Variants in DLGAP1 observed in about 807,000 individuals in gnomAD.
The protein encoded by DLGAP1 is disks large-associated protein 1.
In DLGAP1, 11 loss-of-function variants were observed where a neutral mutation model predicts 90.8. The observed-to-expected ratio is 0.12, with a 90% CI of 0.08 to 0.20. The LOEUF is 0.20. Among genes scored for constraint, DLGAP1 ranks in the 10% least tolerant of loss-of-function variants. The pLI is 1.00. For synonymous variants in DLGAP1, 558 were observed against 540.7 expected, an observed-to-expected ratio of 1.03 and a Z score of -0.44; for missense variants, 1,050 against 1,333.8, an observed-to-expected ratio of 0.79 and a Z score of 3.31.
At chr18:3,791,542 G>A (rs1288709325) in intron 5 of DLGAP1, among the ~76,000 whole-genome samples, 2 of 152,166 alleles carry the variant, frequency 1.3e-5, no homozygotes, top group African/African-American at 2.4e-5. Context: ...GCACGCATGT[G>A]TGTGTGTGTT....
intron 3 of DLGAP1, among the ~76,000 whole-genome samples, chr18:3,902,392 T>C (rs1375409648): frequency 6.6e-6 from 1 of 152,206 alleles, no homozygotes; most frequent in Non-Finnish European, 1.5e-5. Flanking sequence ...ACAACATCAG[T>C]AGAAATGGAC....
rs562393166 is a variant in DLGAP1, at chr18:3,588,758, C to A, written c.1592-6510G>T. ...TCGCGCCACTGCACTCCAGCCTGAG[C>A]GACAGAGCGAGACTCCATCTCAAAA... On this transcript the variant is annotated intron_variant, in intron 7 of 12. Transcript: ENST00000315677. Among the ~76,000 whole-genome samples, 6 of 134,874 alleles carry A rather than the reference C, an allele frequency of 4.4e-5. No individual in the cohort carries two copies. The East Asian group carries it at 1.1e-3, about 24-fold the overall frequency. The allele number at this position is 134,874 out of a possible 152,430, so 88.5% of individuals were successfully genotyped here. A position where few individuals can be genotyped will look rare whatever the true frequency, so the allele number is the denominator to read the frequency against.
chr18:3,693,246 C>T (rs1259012093), intron 7 of DLGAP1, among the ~76,000 whole-genome samples: 1 of 151,930 alleles, frequency 6.6e-6, no homozygotes, highest in African/African-American at 2.4e-5. Flanking sequence ...CCATGTCTCA[C>T]TTATTTAAAT....
intron 8 of DLGAP1, among the ~76,000 whole-genome samples, chr18:3,581,664 GAAA>G (rs71159093): frequency 1.4e-5 from 2 of 142,074 alleles, no homozygotes. Flanking sequence ...TTCTCACCAT[GAAA>G]AAAAAAAAAA....
intron 1 of DLGAP1, among the ~76,000 whole-genome samples, chr18:4,364,876 G>C (rs533609531): frequency 1.7e-4 from 26 of 151,982 alleles, no homozygotes; most frequent in South Asian, 2.1e-4. Context: ...CATTCATTTC[G>C]AAGAACTTCT....
chr18:4,296,465 G>A (rs889830899), intron 1 of DLGAP1, among the ~76,000 whole-genome samples: 20 of 152,162 alleles, frequency 1.3e-4, no homozygotes, highest in African/African-American at 4.8e-4. Context: ...TGAACCACGT[G>A]CTTGCATTCA....
chr18:3,829,302 T>G (rs2067902481), intron 4 of DLGAP1, among the ~76,000 whole-genome samples: 1 of 152,182 alleles, frequency 6.6e-6, no homozygotes, highest in Non-Finnish European at 1.5e-5. Flanking sequence ...CAAAGTGTAT[T>G]TGTAGGTTGC....
At chr18:4,348,193 A>G (rs1042008185) in intron 1 of DLGAP1, among the ~76,000 whole-genome samples, 2 of 152,158 alleles carry the variant, frequency 1.3e-5, no homozygotes, top group Admixed American at 1.3e-4. Context: ...TGCGACTGTG[A>G]GACTACATTG....
intron 3 of DLGAP1, among the ~76,000 whole-genome samples, chr18:4,001,920 G>GTTTC (rs2074194580): frequency 6.6e-6 from 1 of 152,214 alleles, no homozygotes; most frequent in African/African-American, 2.4e-5. Context: ...AACTGTTTTT[G>GTTTC]TTTCTCTGCC....
intron 7 of DLGAP1, among the ~76,000 whole-genome samples, chr18:3,601,846 G>GGAAAAAAAA (rs749002612): frequency 1.0e-5 from 1 of 96,990 alleles, no homozygotes; most frequent in African/African-American, 4.8e-5. Context: ...CTCCATCTCG[G>GGAAAAAAAA]AAAAAAAAAA....
intron 4 of DLGAP1, among the ~76,000 whole-genome samples, chr18:3,817,332 T>C (rs530266744): frequency 6.6e-6 from 1 of 152,324 alleles, no homozygotes; most frequent in East Asian, 1.9e-4. Context: ...TCTGTAACTG[T>C]TGTTTAGGGA....
At chr18:3,916,421 G>T (rs1262284353) in intron 3 of DLGAP1, among the ~76,000 whole-genome samples, 1 of 151,986 alleles carries the variant, frequency 6.6e-6, no homozygotes, top group African/African-American at 2.4e-5. Context: ...TTTCAAATGG[G>T]GACTATGAAA....
In DLGAP1 at chr18:3,600,983, T is replaced by TAGATATAGATATATAG. The variant is rs1568279943; in HGVS notation, c.1592-18736_1592-18735insCTATATATCTATATCT. Among the ~76,000 whole-genome samples, 5 of 76,022 alleles carry TAGATATAGATATATAG rather than the reference T, an allele frequency of 6.6e-5. 1 individual carries two copies. The highest frequency in any genetic ancestry group is 2.1e-4 in the African/African-American group (5 of 23,256). The allele number at this position is 76,022 out of a possible 152,430, so 49.9% of individuals were successfully genotyped here. ...ATAGATATATAGATAGATATATAGA[T>TAGATATAGATATATAG]ATAGATATATAGATATATAGATATA... is the stretch of plus-strand genomic sequence containing the variant. On this transcript the variant is annotated intron_variant, in intron 7 of 12. Coordinates refer to ENST00000315677, the MANE Select transcript of DLGAP1 (RefSeq NM_004746.4).
intron 7 of DLGAP1, among the ~76,000 whole-genome samples, chr18:3,635,819 C>A (rs990622494): frequency 6.6e-6 from 1 of 151,516 alleles, no homozygotes; most frequent in Admixed American, 6.6e-5. Context: ...CTCCTCATCC[C>A]ATGGATGACT....
At position 3,600,427 on chromosome 18, in the gene DLGAP1, G is replaced by A. The variant is rs141350110; in HGVS notation, c.1592-18179C>T. Among the ~76,000 whole-genome samples the A allele has an allele frequency of 6.6e-3, 1,008 of 151,794 alleles. 6 individuals are homozygous for A. Among genetic ancestry groups the A allele is most frequent in the Non-Finnish European group, 0.011 (765 of 67,936 alleles). Reference sequence around the variant, plus strand: ...CTTATTTTTGTATTAGTAGAGACGGGGTTTCACCATGTTGGCCAGGCTGGT... The same window carrying A: ...CTTATTTTTGTATTAGTAGAGACGGAGTTTCACCATGTTGGCCAGGCTGGT... On this transcript the variant is annotated intron_variant, in intron 7 of 12. Transcript: ENST00000315677.
Position 3,879,910 on chromosome 18 carries a change from G to T in DLGAP1, c.159C>A (p.Phe53Leu). Reference protein sequence around the residue: ...DHPYYTQRNSFQAECVGPFSD... With the variant: ...DHPYYTQRNSLQAECVGPFSD... ...TGAAGGGGCCCACGCACTCAGCCTGGAAGGAGTTCCGCTGGGTGTAGTATG... is the reference window on the plus strand; with the variant it reads ...TGAAGGGGCCCACGCACTCAGCCTGTAAGGAGTTCCGCTGGGTGTAGTATG... Residue 53 changes from phenylalanine (F) to leucine (L), a missense_variant, in exon 4 of 13, where the codon TTC (phenylalanine) becomes TTA (leucine). Transcript: ENST00000315677. This position sits in a 1 kb window ranked among gnomAD's most constrained non-coding sequence, Gnocchi z 6.6. The T allele has an allele frequency of 6.2e-7, 1 of 1,612,750 alleles. No individual in the cohort carries two copies.
chr18:3,953,512 T>C (rs376610593), intron 3 of DLGAP1, among the ~76,000 whole-genome samples: 1 of 152,338 alleles, frequency 6.6e-6, no homozygotes. Context: ...AAAGACATGA[T>C]TTCATTCTTT....
intron 1 of DLGAP1, among the ~76,000 whole-genome samples, chr18:4,287,212 T>C (rs1209513006): frequency 6.6e-6 from 1 of 152,062 alleles, no homozygotes; most frequent in Non-Finnish European, 1.5e-5. Flanking sequence ...AAAAGCACAA[T>C]GAGATACCAT....
In DLGAP1 at chr18:3,499,139, G is replaced by T. The variant is rs2049794459; in HGVS notation, c.*46C>A. On this transcript the variant is annotated 3_prime_UTR_variant, in exon 13 of 13. Coordinates refer to ENST00000315677, the MANE Select transcript of DLGAP1 (RefSeq NM_004746.4). The surrounding 1 kb of genome is among the most constrained non-coding windows in gnomAD (Gnocchi z 6.4). ...GCAGCCGGCAGAGGAGCGGCCGGGG[G>T]AGGAGGGGACAGATGCTTGGCGGCG... The T allele has an allele frequency of 1.4e-6, 2 of 1,469,342 alleles. No homozygotes were observed. Among genetic ancestry groups the T allele is most frequent in the Non-Finnish European group, 1.8e-6 (2 of 1,111,962 alleles). 91.0% of individuals were successfully genotyped at this position (1,469,342 alleles called of 1,614,324 possible).
Sources: gnomAD v4.1 joint callset for allele counts (sites outside exome capture counted in the v4.1 genomes callset) on GRCh38, gnomAD v4.1.1 for gene constraint, Gnocchi (gnomAD v3.1) non-coding constraint, MANE v1.5 for transcripts, NCBI Gene and HGNC (gene_info 2026-07-23, HGNC 2026-07-21) for gene names.